The following CPNE4 variants were observed in gnomAD, a reference collection of about 807,000 sequenced individuals.
CPNE4 encodes the protein copine-4.
A neutral mutation model predicts 67.9 loss-of-function variants in CPNE4; 25 were observed. The ratio of observed to expected loss-of-function variants is 0.37; its 90% confidence interval spans 0.27 to 0.51. The LOEUF (loss-of-function observed/expected upper bound fraction) is 0.51. Among genes scored for constraint, CPNE4 ranks in the 20% least tolerant of loss-of-function variants. The probability of loss-of-function intolerance (pLI) is 0.93; values close to 1 mark genes in which losing one functional copy is unlikely to be tolerated. For synonymous variants in CPNE4, 242 were observed against 244.9 expected (o/e 0.99, Z 0.11); for missense variants, 464 against 690.8 (o/e 0.67, Z 3.68).
In CPNE4 at chr3:131,688,569, T is replaced by C. The variant is rs190456454; in HGVS notation, c.508-2611A>G. ...TTCCTACGTGCCCTTGGGCTCCTCC[T>C]GTAACTTCACGCTTTGCCTCTTTAA... On this transcript the variant is annotated intron_variant, in intron 5 of 15. Coordinates refer to ENST00000429747, the MANE Select transcript of CPNE4 (RefSeq NM_130808.3). 1.1e-3 allele frequency among the ~76,000 whole-genome samples: 161 copies of C among 152,340 alleles called. 1 individual carries two copies. Among genetic ancestry groups the C allele is most frequent in the Non-Finnish European group, 1.9e-3 (127 of 68,032 alleles).
intron 1 of CPNE4, among the ~76,000 whole-genome samples, chr3:131,957,037 T>G (rs540845473): frequency 6.6e-6 from 1 of 152,340 alleles, no homozygotes; most frequent in South Asian, 2.1e-4. Flanking sequence ...GATGAGGTGT[T>G]AGATCATCTT....
At chr3:131,959,964 A>T (rs368669806) in intron 1 of CPNE4, among the ~76,000 whole-genome samples, 24 of 152,306 alleles carry the variant, frequency 1.6e-4, no homozygotes, top group African/African-American at 5.5e-4. Context: ...GTAATATGTC[A>T]TACTTCTAGG....
At chr3:131,912,107 G>A (rs1365108766) in intron 1 of CPNE4, among the ~76,000 whole-genome samples, 1 of 125,588 alleles carries the variant, frequency 8.0e-6, no homozygotes, top group Non-Finnish European at 1.7e-5. Flanking sequence ...AATACCTTGG[G>A]GAGACTAATG....
chr3:131,826,559 G>A (rs868844698), intron 2 of CPNE4, among the ~76,000 whole-genome samples: 2 of 152,080 alleles, frequency 1.3e-5, no homozygotes, highest in East Asian at 1.9e-4. Flanking sequence ...GACAGCCCAA[G>A]TTGTTTTTTT....
chr3:131,775,141 T>C (rs2083262088), intron 2 of CPNE4, among the ~76,000 whole-genome samples: 1 of 152,150 alleles, frequency 6.6e-6, no homozygotes. Flanking sequence ...AAAATTTTTG[T>C]CTTTTCCTTT....
chr3:131,804,392 C>A (rs1228307058), intron 2 of CPNE4, among the ~76,000 whole-genome samples: 1 of 151,966 alleles, frequency 6.6e-6, no homozygotes. Flanking sequence ...TACTCACAAA[C>A]CTAGTTATAT....
intron 2 of CPNE4, among the ~76,000 whole-genome samples, chr3:131,801,450 G>GTATATATATA (rs1233533120): frequency 8.8e-4 from 35 of 39,576 alleles, no homozygotes; most frequent in African/African-American, 3.0e-3. Flanking sequence ...GTGTGTGTGT[G>GTATATATATA]TGTATATATA....
chr3:131,938,717 G>A, intron 1 of CPNE4, among the ~76,000 whole-genome samples: 1 of 152,000 alleles, frequency 6.6e-6, no homozygotes, highest in Non-Finnish European at 1.5e-5. Context: ...CGGCATGGTG[G>A]GAAATGCCCC....
intron 14 of CPNE4, among the ~76,000 whole-genome samples, chr3:131,543,744 C>T (rs906610109): frequency 1.3e-5 from 2 of 152,160 alleles, no homozygotes; most frequent in African/African-American, 4.8e-5. Flanking sequence ...TATATTTCCA[C>T]TGGATGGCAC....
intron 9 of CPNE4, among the ~76,000 whole-genome samples, chr3:131,577,267 A>T (rs1279083823): frequency 6.6e-6 from 1 of 152,112 alleles, no homozygotes. Flanking sequence ...ACATATATCT[A>T]TGTATGTATA....
At chr3:131,858,194 G>T (rs905340162) in intron 2 of CPNE4, among the ~76,000 whole-genome samples, 2 of 151,950 alleles carry the variant, frequency 1.3e-5, no homozygotes, top group East Asian at 3.8e-4. Context: ...AGTGAAAAAA[G>T]GTTGAATCCA....
intron 1 of CPNE4, among the ~76,000 whole-genome samples, chr3:132,032,478 A>G (rs958423185): frequency 1.3e-5 from 2 of 152,230 alleles, no homozygotes; most frequent in African/African-American, 2.4e-5. Flanking sequence ...CCTTTTATGT[A>G]ATGTTAATGG....
chr3:132,012,874 A>G (rs2073802441), intron 1 of CPNE4, among the ~76,000 whole-genome samples: 2 of 152,180 alleles, frequency 1.3e-5, no homozygotes, highest in African/African-American at 4.8e-5. Context: ...TCTTCAGGAT[A>G]CTAAAAAGAC....
At chr3:131,664,351 GATCAA>G (rs1386121386) in intron 7 of CPNE4, among the ~76,000 whole-genome samples, 1 of 152,112 alleles carries the variant, frequency 6.6e-6, no homozygotes, top group African/African-American at 2.4e-5. Context: ...ACAATATGTT[GATCAA>G]ATCAAATAAA....
Position 131,899,198 on chromosome 3 carries a change from C to T in CPNE4, c.180+6066G>A, listed in dbSNP as rs149543037. Among the ~76,000 whole-genome samples the T allele has an allele frequency of 2.9e-3, 441 of 152,156 alleles. 2 individuals are homozygous for T. Among genetic ancestry groups the T allele is most frequent in the African/African-American group, 1.0e-2 (414 of 41,516 alleles). ...TGTGGGAGTGTAGTCTAAACTCAAA[C>T]GCCTCCAGGGGCCACTTTTGTAGGG... On this transcript the variant is annotated intron_variant, in intron 2 of 15. Transcript: ENST00000429747.
intron 1 of CPNE4, among the ~76,000 whole-genome samples, chr3:132,014,556 T>C (rs2073849354): frequency 6.6e-6 from 1 of 152,134 alleles, no homozygotes; most frequent in Non-Finnish European, 1.5e-5. Context: ...ATTTTACTTT[T>C]TCTTTCTTTT....
intron 3 of CPNE4, among the ~76,000 whole-genome samples, chr3:131,702,560 T>C (rs548214245): frequency 6.6e-6 from 1 of 152,316 alleles, no homozygotes; most frequent in East Asian, 1.9e-4. Flanking sequence ...TCCATTGTCA[T>C]TGTGATTCAT....
intron 2 of CPNE4, among the ~76,000 whole-genome samples, chr3:131,811,548 A>T (rs1205235201): frequency 2.6e-5 from 4 of 152,130 alleles, no homozygotes; most frequent in Non-Finnish European, 5.9e-5. Context: ...TATGTATTCA[A>T]AGTACCTTCC....
intron 7 of CPNE4, among the ~76,000 whole-genome samples, chr3:131,628,089 A>G (rs1418257444): frequency 6.6e-6 from 1 of 152,366 alleles, no homozygotes; most frequent in Middle Eastern, 3.4e-3. Context: ...TTCATGAAAT[A>G]AAGAGTCAAC....
Sources: allele counts gnomAD v4.1 joint callset (sites outside exome capture counted in the v4.1 genomes callset), GRCh38; gene constraint gnomAD v4.1.1; transcripts MANE v1.5; gene names NCBI Gene and HGNC (gene_info 2026-07-23, HGNC 2026-07-21).